Variants in RAB11FIP3 observed in about 807,000 individuals in gnomAD.
RAB11FIP3 encodes the protein rab11 family-interacting protein 3.
Under a neutral mutation model 77.8 loss-of-function variants are expected in RAB11FIP3, and 17 were observed. That is an observed-to-expected ratio of 0.22 (90% CI 0.15 to 0.33). RAB11FIP3 has a LOEUF of 0.33. Ranked by LOEUF, RAB11FIP3 falls within the 10% of genes least tolerant of loss-of-function variation. RAB11FIP3 has a pLI of 1.00. For synonymous variants in RAB11FIP3, 437 were observed against 448.2 expected, an observed-to-expected ratio of 0.98 and a Z score of 0.31; for missense variants, 1,005 against 1,011.2, an observed-to-expected ratio of 0.99 and a Z score of 0.08.
intron 3 of RAB11FIP3, among the ~76,000 whole-genome samples, chr16:478,713 C>T (rs1240853089): frequency 6.6e-6 from 1 of 152,218 alleles, no homozygotes; most frequent in African/African-American, 2.4e-5. Flanking sequence ...CGCCTATAAT[C>T]CCAGCACTTT....
chr16:455,309 G>A (rs1355700104), intron 1 of RAB11FIP3, among the ~76,000 whole-genome samples: 2 of 150,694 alleles, frequency 1.3e-5, no homozygotes, highest in African/African-American at 2.4e-5. Flanking sequence ...GCGAAACCCC[G>A]TCTCTACTAC....
intron 1 of RAB11FIP3, among the ~76,000 whole-genome samples, chr16:440,122 C>T (rs1332414440): frequency 3.3e-5 from 5 of 152,024 alleles, no homozygotes; most frequent in African/African-American, 7.2e-5. Context: ...GGATTACAGG[C>T]GTGAGCCACC....
intron 5 of RAB11FIP3, among the ~76,000 whole-genome samples, chr16:490,459 C>T (rs1272549020): frequency 6.6e-6 from 1 of 152,186 alleles, no homozygotes; most frequent in African/African-American, 2.4e-5. Context: ...CCTCCCTCAG[C>T]TTCCTGAGTA....
chr16:517,614 A>AGGGCACGCATGGGAAAGCCACAGTCT (rs1308966219), intron 9 of RAB11FIP3, among the ~76,000 whole-genome samples: 1 of 152,156 alleles, frequency 6.6e-6, no homozygotes, highest in Non-Finnish European at 1.5e-5. Context: ...CAGAACAGAA[A>AGGGCACGCATGGGAAAGCCACAGTCT]GGGCACGCAT....
At chr16:499,535 C>T (rs1015372427) in intron 6 of RAB11FIP3, among the ~76,000 whole-genome samples, 3 of 151,540 alleles carry the variant, frequency 2.0e-5, no homozygotes, top group African/African-American at 4.9e-5. Context: ...CAGTGGCTCA[C>T]GCCTGTAATC....
At position 468,545 on chromosome 16, in the gene RAB11FIP3, GCTCCATCGTGGCTGCAGCAGC is replaced by G. The variant is rs1304538166; in HGVS notation, c.809-2747_809-2727del. Among the ~76,000 whole-genome samples, 8 of 152,244 alleles carry G rather than the reference GCTCCATCGTGGCTGCAGCAGC, an allele frequency of 5.3e-5. No homozygotes were observed. The South Asian group carries it at 1.2e-3, about 24-fold the overall frequency. On this transcript the variant is annotated intron_variant, in intron 2 of 13. Coordinates refer to ENST00000262305, the MANE Select transcript of RAB11FIP3 (RefSeq NM_014700.4). ...CAGCCAAAGTTCACTTCAGGTGTTA[GCTCCATCGTGGCTGCAGCAGC>G]CTGTGTTGTCTGTCAGCCCTGTCTG...
At position 520,539 on chromosome 16, in the gene RAB11FIP3, C is replaced by T. The variant is rs771511249; in HGVS notation, c.2097C>T (p.Leu699=). 2 of 1,613,742 alleles carry T rather than the reference C, an allele frequency of 1.2e-6. No individual in the cohort carries two copies. Among genetic ancestry groups the T allele is most frequent in the Admixed American group, 1.7e-5 (1 of 60,036 alleles). ...TCAGCATCCAGGGCGCCAAGAGCCTCTTCTCCACAGCCTTCTCTGAGTCCC... is the reference window on the plus strand; with the variant it reads ...TCAGCATCCAGGGCGCCAAGAGCCTTTTCTCCACAGCCTTCTCTGAGTCCC... The part of the protein sequence containing the change: ...ITLSIQGAKS[L]FSTAFSESLA... Residue 699 remains leucine, a synonymous_variant, in exon 13 of 14, where the codon CTC becomes CTT. Transcript: ENST00000262305.
At chr16:460,805 G>C (rs1023210947) in intron 1 of RAB11FIP3, among the ~76,000 whole-genome samples, 1 of 151,240 alleles carries the variant, frequency 6.6e-6, no homozygotes, top group Non-Finnish European at 1.5e-5. Flanking sequence ...GCGTTCAGTG[G>C]CCAGGGTCCT....
intron 8 of RAB11FIP3, among the ~76,000 whole-genome samples, chr16:509,886 G>A (rs1348698104): frequency 6.6e-6 from 1 of 152,220 alleles, no homozygotes; most frequent in Non-Finnish European, 1.5e-5. Context: ...GATGTGCCAT[G>A]AACTGACTGT....
chr16:493,398 C>T (rs879376342), intron 5 of RAB11FIP3, among the ~76,000 whole-genome samples: 2 of 152,158 alleles, frequency 1.3e-5, no homozygotes, highest in African/African-American at 2.4e-5. Context: ...TTTCCATGGA[C>T]TTGCCTGAAA....
intron 7 of RAB11FIP3, among the ~76,000 whole-genome samples, chr16:503,401 G>A (rs7188353): frequency 0.05 from 7,553 of 152,276 alleles, 265 homozygotes; most frequent in African/African-American, 0.1. Context: ...GAGTCGGGCT[G>A]GGGGACACCC....
chr16:474,278 C>G (rs940862366), intron 3 of RAB11FIP3, among the ~76,000 whole-genome samples: 4 of 152,148 alleles, frequency 2.6e-5, no homozygotes, highest in Non-Finnish European at 5.9e-5. Context: ...CAGTCAGACC[C>G]ATTTCTCTTT....
chr16:446,764 C>T (rs2055323770), intron 1 of RAB11FIP3, among the ~76,000 whole-genome samples: 1 of 152,062 alleles, frequency 6.6e-6, no homozygotes, highest in Non-Finnish European at 1.5e-5. Flanking sequence ...GGCGTGATCT[C>T]AGCTCACTGC....
intron 1 of RAB11FIP3, among the ~76,000 whole-genome samples, chr16:437,627 G>A (rs1373633179): frequency 6.8e-6 from 1 of 147,546 alleles, no homozygotes; most frequent in African/African-American, 2.5e-5. Context: ...ACCCAAAGAA[G>A]TGATAAATGT....
chr16:444,354 G>A (rs1431786989), intron 1 of RAB11FIP3, among the ~76,000 whole-genome samples: 5 of 152,080 alleles, frequency 3.3e-5, no homozygotes, highest in Admixed American at 1.3e-4. Context: ...GCAGCAGGAC[G>A]GTGCTGAGAA....
Position 471,302 on chromosome 16 carries a change from T to A in RAB11FIP3, c.816T>A (p.Asp272Glu). 6.2e-7 allele frequency: 1 copy of A among 1,613,722 alleles called. No homozygotes were observed. Among genetic ancestry groups the A allele is most frequent in the South Asian group, 1.1e-5 (1 of 91,054 alleles). Residue 272 changes from aspartate (D) to glutamate (E), a missense_variant, in exon 3 of 14, where the codon GAT becomes GAA. Physicochemically the swap from Asp to Glu is conservative, Grantham distance 45. Coordinates refer to ENST00000262305, the MANE Select transcript of RAB11FIP3 (RefSeq NM_014700.4). This position sits in a 1 kb window ranked among gnomAD's most constrained non-coding sequence, Gnocchi z 4.4. The stretch of plus-strand genomic sequence containing the variant: ...GAGGTCTTCTCCCTGCAGATCCTGA[T>A]GGCCAGTGCTACGGTGGTGTCGCTT... ...GITAIRNGDPDGQCYGGVASA... is the reference protein window; with the variant it reads ...GITAIRNGDPEGQCYGGVASA...
intron 2 of RAB11FIP3, among the ~76,000 whole-genome samples, chr16:468,181 C>T (rs1487923710): frequency 1.1e-5 from 1 of 93,188 alleles, no homozygotes; most frequent in African/African-American, 4.5e-5. Flanking sequence ...GGTGCAGGGG[C>T]GTCAGGGAGG....
In RAB11FIP3 at chr16:471,450, C is replaced by G. The variant is rs577135145; in HGVS notation, c.903+61C>G. On this transcript the variant is annotated intron_variant, in intron 3 of 13. Transcript: ENST00000262305. This position sits in a 1 kb window ranked among gnomAD's most constrained non-coding sequence, Gnocchi z 4.4. ...TGGCATCCACCTCTTCCTTTATGCC[C>G]TACAGCTCGTGCCTCCTGCCTCCGG... is the stretch of plus-strand genomic sequence containing the variant. The G allele has an allele frequency of 1.5e-6, 2 of 1,373,080 alleles. No homozygotes were observed. The highest frequency in any genetic ancestry group is 4.9e-5 in the East Asian group (2 of 40,460). The allele number at this position is 1,373,080 out of a possible 1,614,324, so 85.1% of individuals were successfully genotyped here.
rs2032753496 is a variant in RAB11FIP3 at position 522,784 on chromosome 16, A to C, written c.*1945A>C. On this transcript the variant is annotated 3_prime_UTR_variant, in exon 14 of 14. Transcript: ENST00000262305. ...TTGGGCAGCACAGGGCTGTGTGGGC[A>C]TCAGGGCTCTGGGTCACACGCCTCT... is the stretch of plus-strand genomic sequence containing the variant. 1 of 152,304 alleles carries C rather than the reference A, an allele frequency of 6.6e-6. No individual in the cohort carries two copies. Among genetic ancestry groups the C allele is most frequent in the Admixed American group, 6.5e-5 (1 of 15,290 alleles). 9.4% of individuals were successfully genotyped at this position (152,304 alleles called of 1,614,324 possible).
Sources: gnomAD v4.1 joint callset for allele counts (sites outside exome capture counted in the v4.1 genomes callset) on GRCh38, gnomAD v4.1.1 for gene constraint, Gnocchi (gnomAD v3.1) non-coding constraint, MANE v1.5 for transcripts, NCBI Gene and HGNC (gene_info 2026-07-23, HGNC 2026-07-21) for gene names.